ZNF578: variants seen among roughly 807,000 people sequenced by gnomAD.
ZNF578 encodes Putative chemokine-related protein B42.
In ZNF578, 8 loss-of-function variants were observed where a neutral mutation model predicts 8.3. The ratio of observed to expected loss-of-function variants is 0.96; its 90% CI spans 0.56 to 1.74. The LOEUF (loss-of-function observed/expected upper bound fraction) is 1.74. ZNF578 is among the 40% of genes most tolerant of loss of function. The pLI is 0.00. For synonymous variants in ZNF578, 206 were observed against 232.2 expected (o/e 0.89, Z 1.03); for missense variants, 726 against 707.5 (o/e 1.03, Z -0.30).
intron 2 of ZNF578, among the ~76,000 whole-genome samples, chr19:52,484,241 C>T (rs959408806): frequency 1.1e-4 from 17 of 152,226 alleles, no homozygotes; most frequent in African/African-American, 3.1e-4. Context: ...AGCCCTAAGG[C>T]GGTTTTCCCC....
intron 3 of ZNF578, among the ~76,000 whole-genome samples, chr19:52,493,369 C>T (rs2059373513): frequency 6.6e-6 from 1 of 152,194 alleles, no homozygotes; most frequent in African/African-American, 2.4e-5. Context: ...GTCACCGCTT[C>T]CCCTGAACCA....
At chr19:52,491,607 CCAAAGGCT>C (rs1354247629) in intron 3 of ZNF578, among the ~76,000 whole-genome samples, 182 bp downstream of exon 3, 1 of 151,658 alleles carries the variant, frequency 6.6e-6, no homozygotes, top group Non-Finnish European at 1.5e-5. Flanking sequence ...ACCAGATACT[CCAAAGGCT>C]GAGGCAGAAG....
chr19:52,512,251 A>G lies in ZNF578; in HGVS notation c.*97A>G, dbSNP rs1241349211. On this transcript the variant is annotated 3_prime_UTR_variant, in exon 6 of 6. Transcript: ENST00000421239. The stretch of plus-strand genomic sequence containing the variant: ...AAAGACATAGGAGAATTCATACTGG[A>G]GAGAAACCTTACAAGTGTAATGAGT... 8 of 1,601,544 alleles carry G rather than the reference A, an allele frequency of 5.0e-6. No individual in the cohort carries two copies. Among genetic ancestry groups the G allele is most frequent in the Non-Finnish European group, 5.1e-6 (6 of 1,169,034 alleles).
intron 2 of ZNF578, among the ~76,000 whole-genome samples, chr19:52,468,522 G>A (rs185027838): frequency 2.0e-5 from 3 of 152,306 alleles, no homozygotes; most frequent in Admixed American, 2.0e-4. Flanking sequence ...ATCCTAAAGA[G>A]TTAGACTTCA....
intron 2 of ZNF578, among the ~76,000 whole-genome samples, chr19:52,484,744 A>T (rs2059338963): frequency 6.6e-6 from 1 of 150,722 alleles, no homozygotes; most frequent in South Asian, 2.1e-4. Flanking sequence ...TCCCCCACTG[A>T]GTACCTTGTG....
At chr19:52,500,249 A>G (rs1305115995) in intron 3 of ZNF578, among the ~76,000 whole-genome samples, 1 of 152,100 alleles carries the variant, frequency 6.6e-6, no homozygotes, top group African/African-American at 2.4e-5. Context: ...TATACATTTT[A>G]TGGAGACATG....
At chr19:52,500,733 T>C (rs2059403921) in intron 3 of ZNF578, among the ~76,000 whole-genome samples, 1 of 152,042 alleles carries the variant, frequency 6.6e-6, no homozygotes, top group Admixed American at 6.6e-5. Flanking sequence ...GATAGGCATG[T>C]ATGTCAGGGA....
chr19:52,497,409 A>G (rs1435491094), intron 3 of ZNF578, among the ~76,000 whole-genome samples: 1 of 152,128 alleles, frequency 6.6e-6, no homozygotes, highest in African/African-American at 2.4e-5. Flanking sequence ...TGGTAGAGAC[A>G]TAGTTTCTCC....
At chr19:52,487,426 G>A (rs1158213953) in intron 2 of ZNF578, among the ~76,000 whole-genome samples, 1 of 152,120 alleles carries the variant, frequency 6.6e-6, no homozygotes, top group Non-Finnish European at 1.5e-5. Flanking sequence ...ATACACATCA[G>A]ATTGAGAATT....
At chr19:52,505,457 C>G (rs966617035) in intron 5 of ZNF578, among the ~76,000 whole-genome samples, 3 of 152,124 alleles carry the variant, frequency 2.0e-5, no homozygotes, top group Non-Finnish European at 2.9e-5. Context: ...CAGTCTCGCT[C>G]TTTCACCCAG....
chr19:52,480,819 C>T (rs531990534), intron 2 of ZNF578, among the ~76,000 whole-genome samples: 1 of 151,344 alleles, frequency 6.6e-6, no homozygotes, highest in Non-Finnish European at 1.5e-5. Flanking sequence ...TTGCTTGAAC[C>T]TGGGAGGCAG....
chr19:52,504,884 T>TTCGTTTGA, intron 5 of ZNF578, 103 bp downstream of exon 5: 1 of 1,535,086 alleles, frequency 6.5e-7, no homozygotes. Flanking sequence ...ACGTGGTTTT[T>TTCGTTTGA]TTGTTTGATT....
chr19:52,512,412 TGAA>T lies in ZNF578; in HGVS notation c.*261_*263del. ...TTGCAAATCATTGGAGAATCCATAA[TGAA>T]GAGAGATCTTCCGAGTGTAATAAAT... On this transcript the variant is annotated 3_prime_UTR_variant, in exon 6 of 6. Coordinates refer to ENST00000421239, the MANE Select transcript of ZNF578 (RefSeq NM_001099694.2). 1 of 1,456,340 alleles carries T rather than the reference TGAA, an allele frequency of 6.9e-7. No homozygotes were observed. Among genetic ancestry groups the T allele is most frequent in the Non-Finnish European group, 9.6e-7 (1 of 1,040,230 alleles). 90.2% of individuals were successfully genotyped at this position (1,456,340 alleles called of 1,614,324 possible).
intron 2 of ZNF578, among the ~76,000 whole-genome samples, chr19:52,476,254 TC>T (rs2059308035): frequency 6.6e-6 from 1 of 152,198 alleles, no homozygotes; most frequent in South Asian, 2.1e-4. Context: ...GTCACCATCT[TC>T]CGGGCTTTTT....
intron 1 of ZNF578, chr19:52,455,320 C>A (rs1298985340): frequency 1.3e-5 from 2 of 152,016 alleles, no homozygotes; most frequent in African/African-American, 2.4e-5. Flanking sequence ...CTGCCTCAAC[C>A]TCCCGAGTAG....
At position 52,511,598 on chromosome 19, in the gene ZNF578, A is replaced by T. The variant is rs35720624; in HGVS notation, c.1217A>T (p.Lys406Met). ...CCTTACAAGTGTAATGAATGTGGCAAGGCTTTTAATCAACAATCACACCTT... is the reference window on the plus strand; with the variant it reads ...CCTTACAAGTGTAATGAATGTGGCATGGCTTTTAATCAACAATCACACCTT... Reference protein sequence around the residue: ...EKPYKCNECGKAFNQQSHLSR... With the variant: ...EKPYKCNECGMAFNQQSHLSR... Residue 406 changes from lysine to methionine, a missense_variant, in exon 6 of 6, where the codon AAG becomes ATG. Physicochemically the swap from Lys to Met is moderately conservative, Grantham distance 95. Transcript: ENST00000421239. The T allele has an allele frequency of 0.016, 25,185 of 1,614,164 alleles. 208 individuals are homozygous for T. The highest frequency in any genetic ancestry group is 0.019 in the Non-Finnish European group (21,913 of 1,179,992).
intron 3 of ZNF578, among the ~76,000 whole-genome samples, chr19:52,493,690 C>T (rs2059375034): frequency 6.6e-6 from 1 of 151,884 alleles, no homozygotes; most frequent in African/African-American, 2.4e-5. Flanking sequence ...GGGGGAAGGG[C>T]AACAAGAGGT....
chr19:52,464,910 T>C (rs2059269787), intron 2 of ZNF578, among the ~76,000 whole-genome samples: 1 of 152,166 alleles, frequency 6.6e-6, no homozygotes, highest in Non-Finnish European at 1.5e-5. Context: ...AAATCTATAA[T>C]AACAAGCAGC....
intron 3 of ZNF578, among the ~76,000 whole-genome samples, chr19:52,500,052 A>T (rs2059401129): frequency 6.6e-6 from 1 of 151,978 alleles, no homozygotes; most frequent in South Asian, 2.1e-4. Flanking sequence ...TCTTCCCCTC[A>T]GCTGCAAGTG....
Sources: allele counts gnomAD v4.1 joint callset (sites outside exome capture counted in the v4.1 genomes callset), GRCh38; gene constraint gnomAD v4.1.1; transcripts MANE v1.5; gene names NCBI Gene and HGNC (gene_info 2026-07-23, HGNC 2026-07-21).